GRIP1: variants seen among roughly 807,000 people sequenced by gnomAD.
The protein encoded by GRIP1 is glutamate receptor-interacting protein 1.
GRIP1 carries 45 observed loss-of-function variants against 129.9 expected under a neutral mutation model. That is an observed-to-expected ratio of 0.35 (90% CI 0.27 to 0.44). The LOEUF is 0.44. Ranked by LOEUF, GRIP1 falls within the 20% of genes least tolerant of loss-of-function variation. GRIP1 has a pLI of 1.00. For missense variants in GRIP1, 1,196 were observed against 1,396.8 expected, an observed-to-expected ratio of 0.86 and a Z score of 2.29; for synonymous variants, 530 against 520.8, an observed-to-expected ratio of 1.02 and a Z score of -0.24.
Position 66,348,748 on chromosome 12 carries a change from A to AT in GRIP1, c.*270dup. The AT allele has an allele frequency of 2.2e-6, 1 of 453,514 alleles. No homozygotes were observed. The highest frequency in any genetic ancestry group is 4.0e-6 in the Non-Finnish European group (1 of 252,550). The allele number at this position is 453,514 out of a possible 1,614,324, so 28.1% of individuals were successfully genotyped here. The stretch of plus-strand genomic sequence containing the variant: ...TTGTAAAAAATTTCCTCTGATGTTA[A>AT]TTGTAGAGTTGTGGGGGACGGCCTA... On this transcript the variant is annotated 3_prime_UTR_variant, in exon 25 of 25. Transcript: ENST00000359742.
At chr12:66,467,732 A>G (rs766031379) in intron 7 of GRIP1, among the ~76,000 whole-genome samples, 1 of 152,246 alleles carries the variant, frequency 6.6e-6, no homozygotes, top group Non-Finnish European at 1.5e-5. Context: ...CACGCTGCAT[A>G]GCAACCTTTT....
chr12:66,723,010 A>T lies in GRIP1; in HGVS notation c.-420+81043T>A, dbSNP rs963162384. On this transcript the variant is annotated intron_variant, in intron 1 of 4. Transcript: ENST00000538373. ...AAAGCAAAACAAAACAGAAAACTCT[A>T]CATCAGTGGATCCATTTGTCCTCAG... 4.0e-5 allele frequency among the ~76,000 whole-genome samples: 6 copies of T among 151,860 alleles called. No homozygotes were observed. The East Asian group carries it at 1.2e-3, about 29-fold the overall frequency.
chr12:66,586,230 A>T (rs969573429), intron 2 of GRIP1, among the ~76,000 whole-genome samples: 1 of 152,130 alleles, frequency 6.6e-6, no homozygotes, highest in African/African-American at 2.4e-5. Context: ...TGTCAGGGTC[A>T]CCAAACCTCT....
At chr12:66,391,669 T>A (rs2056593115) in intron 19 of GRIP1, among the ~76,000 whole-genome samples, 1 of 152,090 alleles carries the variant, frequency 6.6e-6, no homozygotes, top group Non-Finnish European at 1.5e-5. Context: ...CTGGAGAACA[T>A]GACAAGACCC....
intron 1 of GRIP1, among the ~76,000 whole-genome samples, chr12:66,778,129 ATTAGAG>A (rs1219455976): frequency 6.6e-6 from 1 of 152,216 alleles, no homozygotes; most frequent in Non-Finnish European, 1.5e-5. Flanking sequence ...AAAATACATC[ATTAGAG>A]TTAATTTCAC....
intron 1 of GRIP1, among the ~76,000 whole-genome samples, chr12:66,977,696 T>C (rs2042174187): frequency 6.6e-6 from 1 of 152,158 alleles, no homozygotes; most frequent in South Asian, 2.1e-4. Context: ...TTTTTCTCAT[T>C]GTTATGTTGT....
At chr12:66,924,425 A>C (rs141327599) in intron 1 of GRIP1, among the ~76,000 whole-genome samples, 1 of 152,192 alleles carries the variant, frequency 6.6e-6, no homozygotes, top group Non-Finnish European at 1.5e-5. Flanking sequence ...AGGTAGAGAG[A>C]CAGAGATGTG....
intron 2 of GRIP1, among the ~76,000 whole-genome samples, chr12:66,566,104 AC>A (rs1329553241): frequency 6.6e-6 from 1 of 152,098 alleles, no homozygotes; most frequent in African/African-American, 2.4e-5. Flanking sequence ...CTAACTGAAT[AC>A]CCTTTATTTA....
intron 2 of GRIP1, among the ~76,000 whole-genome samples, chr12:66,593,455 TAA>T (rs1454775419): frequency 6.6e-6 from 1 of 152,230 alleles, no homozygotes; most frequent in Non-Finnish European, 1.5e-5. Flanking sequence ...CAGAAATGTT[TAA>T]AGTTACTCTG....
At chr12:66,507,771 C>A (rs908461385) in intron 7 of GRIP1, among the ~76,000 whole-genome samples, 12 of 151,862 alleles carry the variant, frequency 7.9e-5, no homozygotes, top group South Asian at 4.2e-4. Flanking sequence ...TTCTTTCTTT[C>A]TTTCTTTCTT....
chr12:66,602,463 G>A (rs1163361939), intron 1 of GRIP1, among the ~76,000 whole-genome samples: 2 of 152,118 alleles, frequency 1.3e-5, no homozygotes, highest in Admixed American at 1.3e-4. Flanking sequence ...CTAGGGCCAA[G>A]CAAAAAGTGC....
intron 14 of GRIP1, among the ~76,000 whole-genome samples, chr12:66,429,168 A>G (rs2058071780): frequency 6.6e-6 from 1 of 152,204 alleles, no homozygotes; most frequent in Non-Finnish European, 1.5e-5. Flanking sequence ...ATTAGGTATG[A>G]AGAGTGAGCC....
intron 5 of GRIP1, among the ~76,000 whole-genome samples, chr12:66,520,535 C>T (rs534857311): frequency 6.6e-6 from 1 of 152,272 alleles, no homozygotes; most frequent in Non-Finnish European, 1.5e-5. Flanking sequence ...CTGATGTCCA[C>T]ACAAATCTAG....
At chr12:66,536,137 A>C (rs1041570664) in intron 4 of GRIP1, among the ~76,000 whole-genome samples, 7 of 152,174 alleles carry the variant, frequency 4.6e-5, no homozygotes, top group African/African-American at 1.7e-4. Context: ...CCTTCAGAAC[A>C]GATCTGGAAT....
At chr12:67,013,643 G>A (rs1436907722) in intron 1 of GRIP1, among the ~76,000 whole-genome samples, 1 of 152,168 alleles carries the variant, frequency 6.6e-6, no homozygotes, top group Non-Finnish European at 1.5e-5. Flanking sequence ...AACTTGGATA[G>A]CTGGTTGCCA....
At chr12:66,385,074 T>A (rs2056294435) in intron 19 of GRIP1, among the ~76,000 whole-genome samples, 1 of 152,306 alleles carries the variant, frequency 6.6e-6, no homozygotes, top group African/African-American at 2.4e-5. Context: ...AGCCCAGGCG[T>A]AAGAAAAAAT....
intron 1 of GRIP1, among the ~76,000 whole-genome samples, chr12:66,739,480 G>C (rs1432968693): frequency 6.6e-6 from 1 of 152,104 alleles, no homozygotes; most frequent in Non-Finnish European, 1.5e-5. Flanking sequence ...GCATTGCTGA[G>C]ATATCCCACA....
chr12:66,589,767 A>T (rs1386706358), intron 2 of GRIP1, among the ~76,000 whole-genome samples: 1 of 152,212 alleles, frequency 6.6e-6, no homozygotes, highest in Non-Finnish European at 1.5e-5. Context: ...CATGAGGATG[A>T]CATGTGAGTA....
chr12:67,047,509 G>C (rs923071694), intron 1 of GRIP1, among the ~76,000 whole-genome samples: 1 of 151,912 alleles, frequency 6.6e-6, no homozygotes, highest in Non-Finnish European at 1.5e-5. Context: ...CCCATGTTAT[G>C]CAAATCTTTT....
Sources: allele counts gnomAD v4.1 joint callset (sites outside exome capture counted in the v4.1 genomes callset), GRCh38; gene constraint gnomAD v4.1.1; transcripts MANE v1.5; gene names NCBI Gene and HGNC (gene_info 2026-07-23, HGNC 2026-07-21).